The following GAB1 variants were observed in gnomAD, a reference collection of about 807,000 sequenced individuals.
The protein encoded by GAB1 is GRB2-associated-binding protein 1.
A neutral mutation model predicts 66.5 loss-of-function variants in GAB1; 19 were observed. The ratio of observed to expected loss-of-function variants is 0.29; its 90% CI spans 0.20 to 0.42. GAB1 has a LOEUF of 0.42. Ranked by LOEUF, GAB1 falls within the 10% of genes least tolerant of loss-of-function variation. The pLI is 1.00. For missense variants in GAB1, 732 were observed against 858.5 expected, an observed-to-expected ratio of 0.85 and a Z score of 1.84; for synonymous variants, 294 against 301.4, an observed-to-expected ratio of 0.98 and a Z score of 0.25.
chr4:143,392,966 T>C (rs1731256111), intron 1 of GAB1, among the ~76,000 whole-genome samples: 1 of 152,196 alleles, frequency 6.6e-6, no homozygotes, highest in Admixed American at 6.5e-5. Flanking sequence ...GTCTATGGGC[T>C]ATATTTCCAT....
chr4:143,464,354 A>G (rs1735665480), intron 8 of GAB1, among the ~76,000 whole-genome samples: 1 of 151,834 alleles, frequency 6.6e-6, no homozygotes, highest in Admixed American at 6.6e-5. Flanking sequence ...TCAGCCTCCC[A>G]AGTAGCTGGG....
chr4:143,366,477 T>C (rs770041208), intron 1 of GAB1, among the ~76,000 whole-genome samples: 2 of 152,238 alleles, frequency 1.3e-5, no homozygotes, highest in Non-Finnish European at 2.9e-5. Context: ...TTTAAAAGTT[T>C]ATTCCATAAG....
At chr4:143,458,201 A>T (rs1330455952) in intron 6 of GAB1, among the ~76,000 whole-genome samples, 9 of 152,146 alleles carry the variant, frequency 5.9e-5, no homozygotes, top group Admixed American at 5.9e-4. Context: ...GGGTGTCAAA[A>T]AGTAAAACAT....
intron 2 of GAB1, among the ~76,000 whole-genome samples, chr4:143,431,292 G>C (rs1251324956): frequency 2.0e-5 from 3 of 152,042 alleles, no homozygotes; most frequent in Non-Finnish European, 2.9e-5. Context: ...TAATTTCTGG[G>C]GTTTCATGAG....
intron 1 of GAB1, among the ~76,000 whole-genome samples, chr4:143,363,934 C>T (rs1304352436): frequency 6.6e-6 from 1 of 152,038 alleles, no homozygotes; most frequent in Non-Finnish European, 1.5e-5. Flanking sequence ...CGTGGTGGCT[C>T]AGGCCTGTAA....
chr4:143,355,288 T>C (rs1029678122), intron 1 of GAB1, among the ~76,000 whole-genome samples: 1 of 152,204 alleles, frequency 6.6e-6, no homozygotes, highest in Non-Finnish European at 1.5e-5. Flanking sequence ...TTACCATTTC[T>C]ATATCCACCT....
At chr4:143,414,892 A>G (rs1257346625) in intron 1 of GAB1, among the ~76,000 whole-genome samples, 1 of 152,198 alleles carries the variant, frequency 6.6e-6, no homozygotes, top group African/African-American at 2.4e-5. Context: ...CACCATTGCA[A>G]CCATGGCCAC....
chr4:143,466,793 T>C (rs1164071226), intron 9 of GAB1, among the ~76,000 whole-genome samples: 1 of 152,098 alleles, frequency 6.6e-6, no homozygotes, highest in Non-Finnish European at 1.5e-5. Context: ...ATCTGGCTGT[T>C]ATTTAATGAA....
rs144458369 is a variant in GAB1 at position 143,459,363 on chromosome 4, C to G, written c.1586-22C>G. 2.5e-4 allele frequency: 363 copies of G among 1,436,122 alleles called. 3 individuals carry two copies. The East Asian group carries it at 8.0e-3, about 32-fold the overall frequency. The allele number at this position is 1,436,122 out of a possible 1,614,324, so 89.0% of individuals were successfully genotyped here. ...CCAAAGTTCTGTATACTAAAAATCT[C>G]TTTTTCTCTTTTTCTTTTCAGTCAA... On this transcript the variant is annotated intron_variant, in intron 6 of 9. Transcript: ENST00000262994.
chr4:143,385,586 C>G (rs2149680677), intron 1 of GAB1, among the ~76,000 whole-genome samples: 1 of 152,284 alleles, frequency 6.6e-6, no homozygotes, highest in South Asian at 2.1e-4. Context: ...CTCATCTTCA[C>G]AGTCAAAGAT....
chr4:143,383,618 T>G (rs1033788610), intron 1 of GAB1, among the ~76,000 whole-genome samples: 9 of 152,212 alleles, frequency 5.9e-5, no homozygotes, highest in African/African-American at 2.2e-4. Flanking sequence ...ATATAGTTAT[T>G]CTTTTGTAAG....
chr4:143,373,868 A>T (rs182980916), intron 1 of GAB1, among the ~76,000 whole-genome samples: 2,573 of 90,834 alleles, frequency 0.028, 116 homozygotes, highest in South Asian at 0.054. Context: ...TAAATAAATA[A>T]ATATATATAT....
chr4:143,433,951 T>G (rs1733809606), intron 3 of GAB1: 2 of 633,612 alleles, frequency 3.2e-6, no homozygotes, highest in Admixed American at 6.0e-5. Context: ...AAGAGCAGTT[T>G]TCCCTACAAG....
intron 1 of GAB1, among the ~76,000 whole-genome samples, chr4:143,365,299 C>T (rs1337076148): frequency 1.3e-5 from 2 of 152,164 alleles, no homozygotes; most frequent in Non-Finnish European, 2.9e-5. Flanking sequence ...TTCTCTTCAT[C>T]ATACCCCTAC....
intron 6 of GAB1, among the ~76,000 whole-genome samples, chr4:143,447,173 T>G (rs1464681908): frequency 2.6e-5 from 4 of 152,256 alleles, no homozygotes; most frequent in Non-Finnish European, 4.4e-5. Context: ...TTGGTACCAG[T>G]ACCATGCTGT....
At chr4:143,396,313 A>G (rs1207385286) in intron 1 of GAB1, among the ~76,000 whole-genome samples, 1 of 152,228 alleles carries the variant, frequency 6.6e-6, no homozygotes, top group Non-Finnish European at 1.5e-5. Context: ...GTGAAAAACA[A>G]TAGAAAGTTA....
chr4:143,457,648 T>C (rs1224321215), intron 6 of GAB1: 1 of 848,914 alleles, frequency 1.2e-6, no homozygotes, highest in Non-Finnish European at 1.8e-6. Context: ...TAAATAACAT[T>C]ATATTAAGAG....
rs1434433382 is a variant in GAB1 at position 143,438,166 on chromosome 4, T to C, written c.761T>C (p.Val254Ala). ...CCTTCACGTGCCCCATCTGCTTCAGTTGACTCCAGCCTTTATAACCTGCCC... is the reference window on the plus strand; with the variant it reads ...CCTTCACGTGCCCCATCTGCTTCAGCTGACTCCAGCCTTTATAACCTGCCC... ...SPPSRAPSAS[V>A]DSSLYNLPRS... is the part of the protein sequence containing the mutation. The change falls in exon 4 of 10, where the codon GTT becomes GCT. Residue 254 changes from valine to alanine, a missense_variant. Val to Ala is a moderately conservative substitution (Grantham distance 64). This residue lies in a region of GAB1 where 427 missense variants were observed against 420.6 expected (regional missense o/e 1.02). Transcript: ENST00000262994. 3.1e-6 allele frequency: 5 copies of C among 1,613,950 alleles called. No individual in the cohort carries two copies. The highest frequency in any genetic ancestry group is 3.4e-6 in the Non-Finnish European group (4 of 1,180,012).
At chr4:143,356,952 A>G (rs1729469842) in intron 1 of GAB1, among the ~76,000 whole-genome samples, 1 of 152,150 alleles carries the variant, frequency 6.6e-6, no homozygotes, top group African/African-American at 2.4e-5. Context: ...TTCTGCAGAA[A>G]TTTTGGACTT....
Sources: gnomAD v4.1 joint callset for allele counts (sites outside exome capture counted in the v4.1 genomes callset) on GRCh38, gnomAD v4.1.1 for gene constraint, gnomAD v4.1.1 regional missense constraint, MANE v1.5 for transcripts, NCBI Gene and HGNC (gene_info 2026-07-23, HGNC 2026-07-21) for gene names.